The following WDR27 variants were observed in gnomAD, a reference collection of about 807,000 sequenced individuals.
The protein encoded by WDR27 is WD repeat domain 27.
A neutral mutation model predicts 114.4 loss-of-function variants in WDR27; 100 were observed. The ratio of observed to expected loss-of-function variants is 0.87; its 90% CI spans 0.74 to 1.03. The LOEUF (loss-of-function observed/expected upper bound fraction) is 1.03. Ranked by LOEUF, WDR27 falls within the 50% of genes least tolerant of loss-of-function variation. The pLI is 0.00. For synonymous variants in WDR27, 449 were observed against 423.1 expected, an observed-to-expected ratio of 1.06 and a Z score of -0.75; for missense variants, 1,129 against 1,092.9, an observed-to-expected ratio of 1.03 and a Z score of -0.47.
At chr6:169,693,533 C>T (rs1056302005) in intron 1 of WDR27, among the ~76,000 whole-genome samples, 4 of 152,060 alleles carry the variant, frequency 2.6e-5, no homozygotes, top group African/African-American at 7.2e-5. Flanking sequence ...TGGAAAGATA[C>T]AAAATGGCAG....
intron 1 of WDR27, among the ~76,000 whole-genome samples, chr6:169,691,830 G>A (rs769100822): frequency 9.2e-5 from 14 of 152,160 alleles, no homozygotes; most frequent in Non-Finnish European, 1.9e-4. Flanking sequence ...ACCCTTTAAA[G>A]TGGTTAGGCA....
chr6:169,679,691 A>G (rs552910240), intron 2 of WDR27, among the ~76,000 whole-genome samples: 3 of 152,354 alleles, frequency 2.0e-5, no homozygotes, highest in Non-Finnish European at 2.9e-5. Flanking sequence ...AGGTTCCTGC[A>G]GTCCTAATTA....
intron 16 of WDR27, 78 bp downstream of exon 16, chr6:169,647,695 T>C (rs1821143337): frequency 5.9e-6 from 7 of 1,187,538 alleles, no homozygotes; most frequent in Admixed American, 4.0e-5. Context: ...TATGATACAA[T>C]AGAAAAATGT....
intron 25 of WDR27, among the ~76,000 whole-genome samples, chr6:169,532,609 T>C (rs1795728310): frequency 6.6e-6 from 1 of 152,202 alleles, no homozygotes; most frequent in South Asian, 2.1e-4. Flanking sequence ...TTACATTCAA[T>C]TGTATTTGAA....
intron 24 of WDR27, among the ~76,000 whole-genome samples, chr6:169,575,401 C>CATCA (rs1227656297): frequency 2.3e-5 from 2 of 87,546 alleles, no homozygotes; most frequent in African/African-American, 5.8e-5. Context: ...TCCATCCATC[C>CATCA]ATCCATCCAT....
chr6:169,647,307 C>T (rs911139316), intron 16 of WDR27, among the ~76,000 whole-genome samples: 2 of 152,208 alleles, frequency 1.3e-5, no homozygotes, highest in South Asian at 2.1e-4. Flanking sequence ...GCTGAGGGTC[C>T]GGTAAGGAAG....
At chr6:169,551,090 AG>A (rs1235544249) in intron 25 of WDR27, among the ~76,000 whole-genome samples, 1 of 152,212 alleles carries the variant, frequency 6.6e-6, no homozygotes, top group Non-Finnish European at 1.5e-5. Context: ...AAAATAAATG[AG>A]GAAAAATACT....
chr6:169,576,897 C>G (rs1335981647), intron 24 of WDR27, among the ~76,000 whole-genome samples: 1 of 151,704 alleles, frequency 6.6e-6, no homozygotes, highest in Non-Finnish European at 1.5e-5. Context: ...ATAGAGGAAA[C>G]GAAGAAAGAA....
At chr6:169,455,796 A>G (rs1784323116), downstream of WDR27, among the ~76,000 whole-genome samples, 1 of 152,230 alleles carries the variant, frequency 6.6e-6, no homozygotes, top group African/African-American at 2.4e-5. Context: ...CTGCAACCTG[A>G]CACAGCTCTC....
intron 25 of WDR27, among the ~76,000 whole-genome samples, chr6:169,549,993 C>T (rs974690906): frequency 3.9e-5 from 6 of 152,094 alleles, no homozygotes; most frequent in African/African-American, 1.2e-4. Flanking sequence ...ATAGAAGGCA[C>T]ACCACCAAGA....
Position 169,659,237 on chromosome 6 carries a change from C to A in WDR27, c.1198-30G>T. 1 of 1,568,776 alleles carries A rather than the reference C, an allele frequency of 6.4e-7. No individual in the cohort carries two copies. The highest frequency in any genetic ancestry group is 8.6e-7 in the Non-Finnish European group (1 of 1,156,736). ...AGGGACGCGGTTTCAACATCGTTAG[C>A]GACACCACCCAGTAAAAGCAGACGA... On this transcript the variant is annotated intron_variant, in intron 11 of 25. Coordinates refer to ENST00000448612, the MANE Select transcript of WDR27 (RefSeq NM_182552.5). The surrounding 1 kb of genome is among the most constrained non-coding windows in gnomAD (Gnocchi z 4.3).
chr6:169,598,584 T>C (rs981553226), intron 23 of WDR27, among the ~76,000 whole-genome samples: 8 of 152,174 alleles, frequency 5.3e-5, no homozygotes, highest in South Asian at 2.1e-4. Context: ...GGAGGAGACA[T>C]TCAAACCTAG....
At chr6:169,479,748 C>T (rs898476289) in intron 25 of WDR27, among the ~76,000 whole-genome samples, 2 of 152,190 alleles carry the variant, frequency 1.3e-5, no homozygotes, top group African/African-American at 4.8e-5. Context: ...GTTACAAGTG[C>T]AGGTTTGTTA....
Position 169,659,437 on chromosome 6 carries a change from G to A in WDR27, c.1197+14C>T, listed in dbSNP as rs371732036. ...ACGTCTCATAGACAGGGAGGGCCGC[G>A]TCTCAGGACTGACCTTTTGATCCGC... On this transcript the variant is annotated intron_variant, in intron 11 of 25. Transcript: ENST00000448612. The surrounding 1 kb of genome is among the most constrained non-coding windows in gnomAD (Gnocchi z 4.3). The A allele has an allele frequency of 6.1e-5, 98 of 1,605,226 alleles. No individual in the cohort carries two copies. The highest frequency in any genetic ancestry group is 5.3e-5 in the African/African-American group (4 of 74,776).
chr6:169,460,742 A>G (rs1173438162), intron 25 of WDR27, among the ~76,000 whole-genome samples: 8 of 152,324 alleles, frequency 5.3e-5, no homozygotes, highest in South Asian at 4.1e-4. Context: ...AAATTTGCAC[A>G]TACTCAAGTC....
At chr6:169,663,854 A>G (rs139365255) in intron 8 of WDR27, 1 of 375,186 alleles carries the variant, frequency 2.7e-6, no homozygotes, top group East Asian at 5.3e-5. Flanking sequence ...TCTGATCAGC[A>G]TGACCTGCCC....
At chr6:169,521,172 C>T (rs758783762) in intron 25 of WDR27, among the ~76,000 whole-genome samples, 82 of 151,764 alleles carry the variant, frequency 5.4e-4, no homozygotes, top group South Asian at 2.1e-4. Context: ...AAAGGAGATC[C>T]GATTCATCTG....
chr6:169,658,479 C>CA, intron 12 of WDR27, 121 bp from the exon 13 acceptor site: 1 of 722,270 alleles, frequency 1.4e-6, no homozygotes, highest in East Asian at 2.8e-5. Context: ...GTGGACATAA[C>CA]AGTATCTGAA....
chr6:169,678,071 C>G (rs1477472007), intron 2 of WDR27, among the ~76,000 whole-genome samples: 2 of 152,208 alleles, frequency 1.3e-5, no homozygotes, highest in Non-Finnish European at 2.9e-5. Context: ...AGTTGGAGCC[C>G]CCACACAGAG....
Sources: allele counts gnomAD v4.1 joint callset (sites outside exome capture counted in the v4.1 genomes callset), GRCh38; gene constraint gnomAD v4.1.1; non-coding constraint Gnocchi (gnomAD v3.1); transcripts MANE v1.5; gene names NCBI Gene and HGNC (gene_info 2026-07-23, HGNC 2026-07-21).